The following AGMO variants were observed in gnomAD, a reference collection of about 807,000 sequenced individuals.
The protein encoded by AGMO is glyceryl-ether monooxygenase.
A neutral mutation model predicts 60.2 loss-of-function variants in AGMO; 75 were observed. The ratio of observed to expected loss-of-function variants is 1.25; its 90% CI spans 1.03 to 1.51. The LOEUF (loss-of-function observed/expected upper bound fraction) is 1.51, where lower values mean the gene tolerates loss of function less well. Among genes scored for constraint, AGMO ranks in the 40% most tolerant of loss-of-function variants. The pLI is 0.00. For missense variants in AGMO, 763 were observed against 525.5 expected (o/e 1.45, Z -4.42); for synonymous variants, 261 against 177.1 (o/e 1.47, Z -3.76).
the AGMO span, among the ~76,000 whole-genome samples, chr7:15,166,332 A>C: frequency 6.6e-6 from 1 of 152,138 alleles, no homozygotes; most frequent in Non-Finnish European, 1.5e-5. Flanking sequence ...TGGATGGAGC[A>C]ATGAGTGCAA....
intron 12 of AGMO, among the ~76,000 whole-genome samples, chr7:15,356,480 A>T (rs1303141659): frequency 6.6e-6 from 1 of 152,098 alleles, no homozygotes; most frequent in Non-Finnish European, 1.5e-5. Flanking sequence ...ATTTTATTGT[A>T]CTCACAAATT....
At chr7:15,351,984 C>A (rs1782259136) in intron 12 of AGMO, among the ~76,000 whole-genome samples, 1 of 152,122 alleles carries the variant, frequency 6.6e-6, no homozygotes, top group Admixed American at 6.5e-5. Context: ...TTAGAATCTG[C>A]AAATAAATAG....
At chr7:15,324,312 C>CA (rs1192422238) in intron 12 of AGMO, among the ~76,000 whole-genome samples, 5 of 152,106 alleles carry the variant, frequency 3.3e-5, no homozygotes. Flanking sequence ...ACCCTGTCCC[C>CA]ACGTGTTTGT....
chr7:15,196,643 C>T (rs894438713), downstream of AGMO, among the ~76,000 whole-genome samples: 17 of 152,156 alleles, frequency 1.1e-4, no homozygotes, highest in African/African-American at 3.9e-4. Flanking sequence ...TTACTAAATT[C>T]AGTGTTCCCA....
chr7:15,365,038 T>G (rs907743231), intron 12 of AGMO, among the ~76,000 whole-genome samples: 5 of 152,022 alleles, frequency 3.3e-5, no homozygotes, highest in African/African-American at 1.2e-4. Context: ...GAAGAACATA[T>G]TTTTCAGCTG....
intron 3 of AGMO, among the ~76,000 whole-genome samples, chr7:15,478,967 G>C (rs1247633236): frequency 6.6e-6 from 1 of 152,036 alleles, no homozygotes; most frequent in Non-Finnish European, 1.5e-5. Flanking sequence ...ATCTTGTATA[G>C]TAACTTTATA....
the AGMO span, among the ~76,000 whole-genome samples, chr7:15,131,423 C>G: frequency 6.6e-6 from 1 of 152,220 alleles, no homozygotes; most frequent in South Asian, 2.1e-4. Context: ...CTCCTTATCT[C>G]CATTCCAATA....
chr7:15,168,569 A>G, the AGMO span, among the ~76,000 whole-genome samples: 1 of 152,134 alleles, frequency 6.6e-6, no homozygotes, highest in Non-Finnish European at 1.5e-5. Context: ...TATCATCCCT[A>G]CCACTTGGTC....
At chr7:15,531,082 CTATA>C (rs1427454051) in intron 3 of AGMO, among the ~76,000 whole-genome samples, 9 of 17,658 alleles carry the variant, frequency 5.1e-4, no homozygotes, top group Admixed American at 3.3e-3. Flanking sequence ...TATATATATT[CTATA>C]TATATATTCT....
At chr7:15,454,891 T>G (rs1025452945) in intron 3 of AGMO, among the ~76,000 whole-genome samples, 19 of 152,084 alleles carry the variant, frequency 1.2e-4, no homozygotes, top group Non-Finnish European at 2.4e-4. Flanking sequence ...TACCTCTGAT[T>G]CCCACTTACC....
intron 2 of AGMO, among the ~76,000 whole-genome samples, chr7:15,558,248 C>A (rs867097119): frequency 2.6e-5 from 4 of 151,784 alleles, no homozygotes; most frequent in African/African-American, 9.7e-5. Flanking sequence ...AAAAAAAATT[C>A]TGAAGAGTTC....
chr7:15,312,660 G>C (rs1205772642), intron 12 of AGMO, among the ~76,000 whole-genome samples: 1 of 151,956 alleles, frequency 6.6e-6, no homozygotes, highest in Non-Finnish European at 1.5e-5. Context: ...AGAGTTTACT[G>C]CTATCAGACA....
chr7:15,490,101 TAAAC>T (rs1442851864), intron 3 of AGMO, among the ~76,000 whole-genome samples: 6 of 152,336 alleles, frequency 3.9e-5, no homozygotes, highest in African/African-American at 1.2e-4. Context: ...TTAGAAGTCT[TAAAC>T]AAACAATTTT....
At chr7:15,377,748 T>C (rs1471784540) in intron 10 of AGMO, among the ~76,000 whole-genome samples, 2 of 152,068 alleles carry the variant, frequency 1.3e-5, no homozygotes, top group African/African-American at 4.8e-5. Flanking sequence ...CTATTAATGA[T>C]GTAGATTTTA....
At position 15,437,835 on chromosome 7, in the gene AGMO, C is replaced by T. The variant is rs1011079483; in HGVS notation, c.410-6727G>A. Among the ~76,000 whole-genome samples, 46 of 152,144 alleles carry T rather than the reference C, an allele frequency of 3.0e-4. 1 individual carries two copies. The highest frequency in any genetic ancestry group is 4.8e-4 in the African/African-American group (20 of 41,434). On this transcript the variant is annotated intron_variant, in intron 3 of 12. Transcript: ENST00000342526. ...GATTACAGGCGTGAGCCACTGCGCC[C>T]GGATGTTTGGCCACATGTAGACATT...
intron 8 of AGMO, among the ~76,000 whole-genome samples, chr7:15,388,168 T>C (rs1242160700): frequency 1.3e-5 from 2 of 152,166 alleles, no homozygotes; most frequent in East Asian, 1.9e-4. Flanking sequence ...ATTAAGATTA[T>C]AAAAAATAAT....
rs551568522 is a variant in AGMO at position 15,210,566 on chromosome 7, A to T, written c.1264-9207T>A. ...CCTATATTTGACATACTAGAATAAG[A>T]ATTTACCTAAAGGAATTGGAGCTTC... On this transcript the variant is annotated intron_variant, in intron 12 of 12. Transcript: ENST00000342526. 1.2e-4 allele frequency among the ~76,000 whole-genome samples: 18 copies of T among 152,256 alleles called. No homozygotes were observed. In the South Asian group the frequency reaches 2.5e-3, roughly 21 times the overall value.
At chr7:15,364,712 G>A (rs994515075) in intron 12 of AGMO, among the ~76,000 whole-genome samples, 2 of 152,042 alleles carry the variant, frequency 1.3e-5, no homozygotes, top group African/African-American at 4.8e-5. Flanking sequence ...CTCCAAAGGA[G>A]TTGTTTCAAT....
intron 3 of AGMO, among the ~76,000 whole-genome samples, chr7:15,457,069 A>G: frequency 6.6e-6 from 1 of 152,284 alleles, no homozygotes; most frequent in Non-Finnish European, 1.5e-5. Flanking sequence ...TCCTTTCATA[A>G]TATTTAATAG....
Sources: allele counts gnomAD v4.1 joint callset (sites outside exome capture counted in the v4.1 genomes callset), GRCh38; gene constraint gnomAD v4.1.1; transcripts MANE v1.5; gene names NCBI Gene and HGNC (gene_info 2026-07-23, HGNC 2026-07-21).